The following HCN1 variants were observed in gnomAD, a reference collection of about 807,000 sequenced individuals.
HCN1 encodes the protein hyperpolarization activated cyclic nucleotide gated potassium channel 1, also known as potassium/sodium hyperpolarization-activated cyclic nucleotide-gated channel 1.
HCN1 carries 13 observed loss-of-function variants against 78.9 expected under a neutral mutation model. The ratio of observed to expected loss-of-function variants is 0.16; its 90% CI spans 0.11 to 0.26. The LOEUF is 0.26. HCN1 is among the 10% of genes least tolerant of loss of function. The pLI, the probability that HCN1 is intolerant of heterozygous loss-of-function variation, is 1.00. For synonymous variants in HCN1, 552 were observed against 455.5 expected (o/e 1.21, Z -2.70); for missense variants, 810 against 1,154.3 (o/e 0.70, Z 4.32).
At chr5:45,531,095 GA>G (rs933575731) in intron 2 of HCN1, among the ~76,000 whole-genome samples, 1 of 150,738 alleles carries the variant, frequency 6.6e-6, no homozygotes, top group Non-Finnish European at 1.5e-5. Context: ...ATCATCACAT[GA>G]AAAAAACAGC....
At chr5:45,653,798 T>C (rs1440728369) in intron 1 of HCN1, among the ~76,000 whole-genome samples, 6 of 151,950 alleles carry the variant, frequency 3.9e-5, no homozygotes, top group East Asian at 3.9e-4. Context: ...ACGGATAGCA[T>C]TGGGAGATAT....
chr5:45,462,556 C>T (rs1193810887), intron 2 of HCN1, among the ~76,000 whole-genome samples: 1 of 151,932 alleles, frequency 6.6e-6, no homozygotes, highest in Non-Finnish European at 1.5e-5. Flanking sequence ...TAAATAGAAG[C>T]CTTTGAGATA....
intron 5 of HCN1, among the ~76,000 whole-genome samples, chr5:45,347,395 G>A (rs551098447): frequency 1.1e-4 from 17 of 152,180 alleles, no homozygotes; most frequent in African/African-American, 2.6e-4. Context: ...AACAAAAGTC[G>A]ATAAAACCAC....
intron 2 of HCN1, among the ~76,000 whole-genome samples, chr5:45,577,984 A>G (rs142452064): frequency 1.1e-3 from 173 of 152,220 alleles, no homozygotes; most frequent in African/African-American, 4.0e-3. Context: ...GTTTTTGAAC[A>G]CATGCTTAGA....
intron 2 of HCN1, among the ~76,000 whole-genome samples, chr5:45,636,846 A>C (rs1211450891): frequency 6.6e-6 from 1 of 152,196 alleles, no homozygotes; most frequent in Non-Finnish European, 1.5e-5. Context: ...TATCTCTAAA[A>C]AAAGAGTAAT....
intron 3 of HCN1, among the ~76,000 whole-genome samples, chr5:45,429,933 T>C (rs1472814254): frequency 6.6e-6 from 1 of 151,782 alleles, no homozygotes; most frequent in Non-Finnish European, 1.5e-5. Context: ...TAGTTAACAG[T>C]ACAGTAATGA....
intron 5 of HCN1, among the ~76,000 whole-genome samples, chr5:45,344,883 C>T (rs955732556): frequency 6.6e-6 from 1 of 152,130 alleles, no homozygotes; most frequent in African/African-American, 2.4e-5. Flanking sequence ...TGGTGGTCCT[C>T]TTCTCACAGC....
intron 3 of HCN1, among the ~76,000 whole-genome samples, chr5:45,436,028 G>A (rs552500783): frequency 6.6e-6 from 1 of 152,098 alleles, no homozygotes; most frequent in African/African-American, 2.4e-5. Flanking sequence ...CATGCATGCT[G>A]AAAAAAATAA....
intron 4 of HCN1, among the ~76,000 whole-genome samples, chr5:45,387,336 G>A (rs553670581): frequency 2.7e-4 from 41 of 151,980 alleles, no homozygotes; most frequent in African/African-American, 9.9e-4. Context: ...ATATAATTAT[G>A]TTTTATACAA....
intron 2 of HCN1, chr5:45,641,633 A>G (rs537777043): frequency 1.3e-5 from 2 of 152,300 alleles, no homozygotes; most frequent in East Asian, 3.9e-4. Flanking sequence ...ACTTTTTAAA[A>G]TTAAGAAGAA....
intron 6 of HCN1, 111 bp downstream of exon 6, chr5:45,303,488 A>G: frequency 2.0e-6 from 2 of 1,017,422 alleles, no homozygotes; most frequent in Non-Finnish European, 3.1e-6. Context: ...GAATTCACAT[A>G]CAGGTTTACA....
intron 1 of HCN1, among the ~76,000 whole-genome samples, chr5:45,653,720 T>C (rs568915824): frequency 3.0e-4 from 46 of 152,032 alleles, no homozygotes; most frequent in Non-Finnish European, 3.7e-4. Flanking sequence ...ATTTGAACAA[T>C]GAGAACACAT....
At chr5:45,444,134 C>A (rs1740737122) in intron 3 of HCN1, among the ~76,000 whole-genome samples, 1 of 152,118 alleles carries the variant, frequency 6.6e-6, no homozygotes, top group Non-Finnish European at 1.5e-5. Context: ...ACACTTTTGG[C>A]AGGTTTTTAT....
Position 45,696,094 on chromosome 5 carries a change from G to A in HCN1, c.-1C>T. ...AGTTGGGCTTGCCGCCTCCTTCCATGCCCGGAGGACGCGGCCGGCGACGGC... is the reference window on the plus strand; with the variant it reads ...AGTTGGGCTTGCCGCCTCCTTCCATACCCGGAGGACGCGGCCGGCGACGGC... On this transcript the variant is annotated 5_prime_UTR_variant, in exon 1 of 8. Transcript: ENST00000303230. The A allele has an allele frequency of 7.5e-7, 1 of 1,339,118 alleles. No homozygotes were observed. The highest frequency in any genetic ancestry group is 1.5e-5 in the South Asian group (1 of 66,718). The allele number at this position is 1,339,118 out of a possible 1,614,324, so 83.0% of individuals were successfully genotyped here.
At chr5:45,686,239 T>G (rs1284149273) in intron 1 of HCN1, among the ~76,000 whole-genome samples, 1 of 151,558 alleles carries the variant, frequency 6.6e-6, no homozygotes. Context: ...GCCCAGTCTT[T>G]TTTTTTTTTA....
chr5:45,649,970 A>G (rs916079017), intron 1 of HCN1, among the ~76,000 whole-genome samples: 1 of 152,162 alleles, frequency 6.6e-6, no homozygotes, highest in Non-Finnish European at 1.5e-5. Context: ...TAGGAAACAA[A>G]GAGGTTAGAA....
At chr5:45,427,217 T>A (rs1740369770) in intron 3 of HCN1, among the ~76,000 whole-genome samples, 1 of 152,020 alleles carries the variant, frequency 6.6e-6, no homozygotes, top group South Asian at 2.1e-4. Flanking sequence ...TGCTTGTTTC[T>A]AAGATACCAA....
intron 2 of HCN1, among the ~76,000 whole-genome samples, chr5:45,631,607 A>T (rs1745270933): frequency 6.6e-6 from 1 of 152,146 alleles, no homozygotes; most frequent in Non-Finnish European, 1.5e-5. Context: ...CAACTCACAG[A>T]CTACATACTG....
chr5:45,546,678 G>C (rs1441427208), intron 2 of HCN1, among the ~76,000 whole-genome samples: 1 of 151,146 alleles, frequency 6.6e-6, no homozygotes, highest in African/African-American at 2.4e-5. Context: ...TGTATTCTTG[G>C]GGGATTTTGC....
Sources: gnomAD v4.1 joint callset for allele counts (sites outside exome capture counted in the v4.1 genomes callset) on GRCh38, gnomAD v4.1.1 for gene constraint, MANE v1.5 for transcripts, NCBI Gene and HGNC (gene_info 2026-07-23, HGNC 2026-07-21) for gene names.